The following SLC1A2 variants were observed in gnomAD, a reference collection of about 807,000 sequenced individuals.
SLC1A2 encodes the protein excitatory amino acid transporter 2.
In SLC1A2, 15 loss-of-function variants were observed where a neutral mutation model predicts 48.8. The ratio of observed to expected loss-of-function variants is 0.31; its 90% CI spans 0.21 to 0.47. SLC1A2 has a LOEUF of 0.47. Ranked by LOEUF, SLC1A2 falls within the 20% of genes least tolerant of loss-of-function variation. SLC1A2 has a pLI of 0.99. For synonymous variants in SLC1A2, 279 were observed against 272.6 expected (o/e 1.02, Z -0.23); for missense variants, 502 against 730.5 (o/e 0.69, Z 3.61).
intron 1 of SLC1A2, among the ~76,000 whole-genome samples, chr11:35,400,643 T>A (rs1363364487): frequency 2.6e-5 from 4 of 152,200 alleles, no homozygotes; most frequent in Non-Finnish European, 5.9e-5. Context: ...CCACATATAT[T>A]ATAGGTATAT....
chr11:35,374,379 G>C (rs957386542), intron 1 of SLC1A2: 45 of 734,100 alleles, frequency 6.1e-5, no homozygotes, highest in Non-Finnish European at 9.1e-5. Context: ...GAATTACAGA[G>C]ACCTGGCCTC....
At chr11:35,368,220 T>C (rs1853927968) in intron 1 of SLC1A2, among the ~76,000 whole-genome samples, 1 of 152,240 alleles carries the variant, frequency 6.6e-6, no homozygotes, top group Admixed American at 6.5e-5. Flanking sequence ...TTTCACACTT[T>C]GAGTAAAGCT....
chr11:35,339,295 T>C (rs1852749105), intron 1 of SLC1A2, among the ~76,000 whole-genome samples: 1 of 152,220 alleles, frequency 6.6e-6, no homozygotes, highest in African/African-American at 2.4e-5. Flanking sequence ...TCAGGGCCCT[T>C]CTGTGTCAAG....
At position 35,260,976 on chromosome 11, in the gene SLC1A2, T is replaced by C. The variant is rs1565196917; in HGVS notation, c.1654-11A>G. 9 of 1,609,112 alleles carry C rather than the reference T, an allele frequency of 5.6e-6. No homozygotes were observed. The highest frequency in any genetic ancestry group is 7.7e-6 in the Non-Finnish European group (9 of 1,175,504). ...GGCTGCCAGAGTTACCTGAAAATAATTATCATCAACATCCAGCTTACAGAC... is the reference window on the plus strand; with the variant it reads ...GGCTGCCAGAGTTACCTGAAAATAACTATCATCAACATCCAGCTTACAGAC... On this transcript the variant is annotated splice_polypyrimidine_tract_variant and intron_variant, in intron 10 of 10. Coordinates refer to ENST00000278379, the MANE Select transcript of SLC1A2 (RefSeq NM_004171.4).
At chr11:35,294,242 C>T (rs1180402155) in intron 6 of SLC1A2, among the ~76,000 whole-genome samples, 1 of 152,184 alleles carries the variant, frequency 6.6e-6, no homozygotes, top group Admixed American at 6.5e-5. Context: ...TGATCTGTAA[C>T]TGACACAAAT....
intron 1 of SLC1A2, among the ~76,000 whole-genome samples, chr11:35,326,758 G>C (rs1591477496): frequency 6.6e-6 from 1 of 152,252 alleles, no homozygotes. Flanking sequence ...TTCCTCAAAA[G>C]TTCCCTGGAG....
chr11:35,310,931 T>A (rs1851668923), intron 4 of SLC1A2, among the ~76,000 whole-genome samples: 1 of 152,114 alleles, frequency 6.6e-6, no homozygotes, highest in Non-Finnish European at 1.5e-5. Flanking sequence ...ACTTTTGTAG[T>A]GCCATTTTGC....
At chr11:35,279,858 A>G (rs1591420138) in intron 9 of SLC1A2, among the ~76,000 whole-genome samples, 1 of 152,328 alleles carries the variant, frequency 6.6e-6, no homozygotes, top group East Asian at 1.9e-4. Context: ...AAATTCAGTA[A>G]CCACTTTCAT....
At chr11:35,288,216 G>A (rs968000052) in intron 7 of SLC1A2, among the ~76,000 whole-genome samples, 2 of 152,134 alleles carry the variant, frequency 1.3e-5, no homozygotes, top group Non-Finnish European at 2.9e-5. Flanking sequence ...ACTGGCCCAC[G>A]AGCTCCTAAA....
chr11:35,256,676 A>G lies in SLC1A2; in HGVS notation c.*4218T>C, dbSNP rs948941307. On this transcript the variant is annotated 3_prime_UTR_variant, in exon 11 of 11. Transcript: ENST00000278379. ...TAGCATTCTTATTCAAGGAGCAAGTATGATAATAACTGAAAATTTCATTTG... is the reference window on the plus strand; with the variant it reads ...TAGCATTCTTATTCAAGGAGCAAGTGTGATAATAACTGAAAATTTCATTTG... The G allele has an allele frequency of 6.6e-6, 1 of 152,098 alleles. No homozygotes were observed. Among genetic ancestry groups the G allele is most frequent in the Non-Finnish European group, 1.5e-5 (1 of 68,034 alleles). 9.4% of individuals were successfully genotyped at this position (152,098 alleles called of 1,614,324 possible). A position where few individuals can be genotyped will look rare whatever the true frequency, so the allele number is the denominator to read the frequency against.
At chr11:35,409,928 A>C (rs1346332301) in intron 1 of SLC1A2, among the ~76,000 whole-genome samples, 1 of 152,006 alleles carries the variant, frequency 6.6e-6, no homozygotes, top group Non-Finnish European at 1.5e-5. Context: ...TAAATAAATA[A>C]ACAAATAAAT....
chr11:35,354,892 A>G (rs960250624), intron 1 of SLC1A2, among the ~76,000 whole-genome samples: 7 of 152,236 alleles, frequency 4.6e-5, no homozygotes, highest in Admixed American at 4.6e-4. Flanking sequence ...ATCTTCCACG[A>G]ACAGCAAAAT....
Position 35,418,932 on chromosome 11 carries a change from A to C in SLC1A2, c.17+18T>G. The C allele has an allele frequency of 6.4e-7, 1 of 1,559,280 alleles. No individual in the cohort carries two copies. Among genetic ancestry groups the C allele is most frequent in the Non-Finnish European group, 8.7e-7 (1 of 1,150,156 alleles). On this transcript the variant is annotated intron_variant, in intron 1 of 10. Transcript: ENST00000278379. Reference sequence around the variant, plus strand: ...CGTGACCCCGCTTTCCCGCGGGTACAGATAAAAATCCCCTCACCCTTCCGT... The same window carrying C: ...CGTGACCCCGCTTTCCCGCGGGTACCGATAAAAATCCCCTCACCCTTCCGT...
At chr11:35,401,134 C>G (rs1281248378) in intron 1 of SLC1A2, among the ~76,000 whole-genome samples, 6 of 152,122 alleles carry the variant, frequency 3.9e-5, no homozygotes, top group Admixed American at 3.3e-4. Flanking sequence ...TTGTGGGGAC[C>G]AAGGTCCTTA....
chr11:35,401,253 A>G (rs913239452), intron 1 of SLC1A2, among the ~76,000 whole-genome samples: 1 of 152,224 alleles, frequency 6.6e-6, no homozygotes, highest in Non-Finnish European at 1.5e-5. Context: ...TGGATCAGAA[A>G]AAAAGACCTG....
rs138012909 is a variant in SLC1A2 at position 35,282,718 on chromosome 11, G to T, written c.1287-1717C>A. Reference sequence around the variant, plus strand: ...GACTGTTTTATACACAGCATCAGTTGCTCTGAGTCACTCTTGCACATCCCT... The same window carrying T: ...GACTGTTTTATACACAGCATCAGTTTCTCTGAGTCACTCTTGCACATCCCT... On this transcript the variant is annotated intron_variant, in intron 8 of 10. Transcript: ENST00000278379. Among the ~76,000 whole-genome samples the T allele has an allele frequency of 2.0e-5, 3 of 152,312 alleles. No individual in the cohort carries two copies. In the East Asian group the frequency reaches 5.8e-4, roughly 29 times the overall value.
chr11:35,397,730 A>G (rs1477104558), intron 1 of SLC1A2, among the ~76,000 whole-genome samples: 1 of 152,126 alleles, frequency 6.6e-6, no homozygotes, highest in African/African-American at 2.4e-5. Flanking sequence ...AAGAGCCCCA[A>G]GAGAGACCCC....
At chr11:35,368,385 G>A (rs2135155173) in intron 1 of SLC1A2, among the ~76,000 whole-genome samples, 1 of 152,264 alleles carries the variant, frequency 6.6e-6, no homozygotes, top group Non-Finnish European at 1.5e-5. Context: ...CTCTTTCCTG[G>A]TCTGCAAAAT....
chr11:35,268,401 G>A (rs1157403499), intron 9 of SLC1A2, among the ~76,000 whole-genome samples: 1 of 152,190 alleles, frequency 6.6e-6, no homozygotes, highest in Admixed American at 6.5e-5. Flanking sequence ...TATAGGCTGG[G>A]CATGGCGGCT....
Sources: gnomAD v4.1 joint callset for allele counts (sites outside exome capture counted in the v4.1 genomes callset) on GRCh38, gnomAD v4.1.1 for gene constraint, MANE v1.5 for transcripts, NCBI Gene and HGNC (gene_info 2026-07-23, HGNC 2026-07-21) for gene names.